Variants in ESCO2 observed in about 807,000 individuals in gnomAD.
ESCO2 encodes N-acetyltransferase ESCO2.
In ESCO2, 51 loss-of-function variants were observed where a neutral mutation model predicts 61.7. That is an observed-to-expected ratio of 0.83 (90% CI 0.66 to 1.04). The LOEUF (loss-of-function observed/expected upper bound fraction) is 1.04, where lower values mean the gene tolerates loss of function less well. Among genes scored for constraint, ESCO2 ranks in the 50% least tolerant of loss-of-function variants. ESCO2 has a pLI of 0.00. For missense variants in ESCO2, 692 were observed against 686.2 expected, an observed-to-expected ratio of 1.01 and a Z score of -0.09; for synonymous variants, 230 against 238.2, an observed-to-expected ratio of 0.97 and a Z score of 0.32.
chr8:27,772,672 C>T (rs1804677887), upstream of ESCO2: 2 of 819,384 alleles, frequency 2.4e-6, no homozygotes, highest in Non-Finnish European at 3.8e-6. Context: ...CGTCGGGGCG[C>T]GTCATAACGC....
chr8:27,785,843 G>A (rs1010668188), intron 5 of ESCO2, among the ~76,000 whole-genome samples: 1 of 152,124 alleles, frequency 6.6e-6, no homozygotes. Flanking sequence ...GTGCTTAGTC[G>A]CACATTTGTT....
chr8:27,778,796 T>G (rs988667730), intron 3 of ESCO2: 3 of 152,220 alleles, frequency 2.0e-5, no homozygotes, highest in Admixed American at 6.5e-5. Context: ...TAGTTTTCAG[T>G]AGTTTGGGAA....
chr8:27,797,804 C>T (rs979219923), intron 9 of ESCO2, among the ~76,000 whole-genome samples: 2 of 152,162 alleles, frequency 1.3e-5, no homozygotes, highest in East Asian at 3.9e-4. Context: ...ATATCACCTA[C>T]AAAAGCTCTG....
rs770166633 is a variant in ESCO2, at chr8:27,776,877, A to G, written c.569A>G (p.Asn190Ser). Residue 190 changes from asparagine (N) to serine (S), a missense_variant, in exon 3 of 11, where the codon AAT (asparagine) becomes AGT (serine). By Grantham distance (46) the Asn-to-Ser change is conservative. Coordinates refer to ENST00000305188, the MANE Select transcript of ESCO2 (RefSeq NM_001017420.3). ...TGTCATTCAGCTGAAAATAATTCCA[A>G]TGCTCCTCGGGTTCTGAGCCAAAAA... is the stretch of plus-strand genomic sequence containing the variant. ...NNCHSAENNSNAPRVLSQKIK... is the reference protein window; with the variant it reads ...NNCHSAENNSSAPRVLSQKIK... The G allele has an allele frequency of 2.6e-5, 42 of 1,614,048 alleles. No homozygotes were observed. In the African/African-American group the frequency reaches 2.7e-4, roughly 10 times the overall value.
chr8:27,785,699 CAA>C (rs567532485), intron 5 of ESCO2, among the ~76,000 whole-genome samples: 14 of 98,576 alleles, frequency 1.4e-4, no homozygotes, highest in Non-Finnish European at 1.7e-4. Context: ...GATTCCATCT[CAA>C]AAAAAAAAAA....
chr8:27,798,197 C>A (rs1805344957), intron 9 of ESCO2, among the ~76,000 whole-genome samples: 3 of 152,170 alleles, frequency 2.0e-5, no homozygotes, highest in South Asian at 4.1e-4. Flanking sequence ...CAGTGGCTCA[C>A]ACCTGTAATC....
chr8:27,800,451 CTG>C (rs1200405395), intron 10 of ESCO2, among the ~76,000 whole-genome samples: 1 of 152,150 alleles, frequency 6.6e-6, no homozygotes, highest in Non-Finnish European at 1.5e-5. Context: ...AGTAGGATGA[CTG>C]TAATCAAACA....
rs1394572977 is a variant in ESCO2 at position 27,775,507 on chromosome 8, TAAAG to T, written c.-4_-1del. 1 of 1,613,464 alleles carries T rather than the reference TAAAG, an allele frequency of 6.2e-7. No individual in the cohort carries two copies. The highest frequency in any genetic ancestry group is 1.3e-5 in the African/African-American group (1 of 74,918). On this transcript the variant is annotated 5_prime_UTR_variant, in exon 2 of 11. Transcript: ENST00000305188. ...ATTGTCATTTCTTTTAGGAATTCAATAAAGAAAATGGCAGCTCTTACTCCAAGGA... is the reference window on the plus strand; with the variant it reads ...ATTGTCATTTCTTTTAGGAATTCAATAAAATGGCAGCTCTTACTCCAAGGA...
At chr8:27,781,730 T>C (rs1804933206) in intron 4 of ESCO2, among the ~76,000 whole-genome samples, 1 of 151,802 alleles carries the variant, frequency 6.6e-6, no homozygotes, top group Non-Finnish European at 1.5e-5. Context: ...CCGGCTAATT[T>C]TTGTTAAGAT....
chr8:27,814,003 A>G (rs746974538), downstream of ESCO2, among the ~76,000 whole-genome samples: 1 of 152,212 alleles, frequency 6.6e-6, no homozygotes, highest in Non-Finnish European at 1.5e-5. Context: ...GTGTATAATA[A>G]TCACATCAGG....
downstream of ESCO2, chr8:27,809,670 ATTG>A (rs1384279110): frequency 3.3e-5 from 5 of 152,178 alleles, no homozygotes; most frequent in Non-Finnish European, 5.9e-5. Flanking sequence ...TTTGAGTTTT[ATTG>A]TTTTTACACA....
chr8:27,776,093 C>T (rs958121449), intron 2 of ESCO2, among the ~76,000 whole-genome samples: 2 of 152,066 alleles, frequency 1.3e-5, no homozygotes, highest in African/African-American at 4.8e-5. Flanking sequence ...ACATAGAAAT[C>T]GATTTTAAAA....
At chr8:27,793,071 AAAC>A (rs1805213730) in intron 9 of ESCO2, among the ~76,000 whole-genome samples, 1 of 152,196 alleles carries the variant, frequency 6.6e-6, no homozygotes, top group South Asian at 2.1e-4. Flanking sequence ...GATTTTAAGT[AAAC>A]AAATCTATAA....
At chr8:27,775,409 T>C in intron 1 of ESCO2, 90 bp from the exon 2 acceptor site, 1 of 1,124,076 alleles carries the variant, frequency 8.9e-7, no homozygotes, top group Non-Finnish European at 1.4e-6. Context: ...GGTTTTAACT[T>C]GGTGTGAAAT....
intron 7 of ESCO2, among the ~76,000 whole-genome samples, chr8:27,791,544 G>A (rs183490337): frequency 9.2e-4 from 140 of 152,302 alleles, no homozygotes; most frequent in Admixed American, 2.2e-3. Flanking sequence ...CTGTGGTCTT[G>A]TCAAGCATAA....
In ESCO2 at chr8:27,803,573, C is replaced by CACACACACAT. The variant is rs1477706403; in HGVS notation, c.*140_*141insCACATACACA. 2.1e-6 allele frequency: 3 copies of CACACACACAT among 1,452,194 alleles called. No individual in the cohort carries two copies. Among genetic ancestry groups the CACACACACAT allele is most frequent in the South Asian group, 1.5e-5 (1 of 67,712 alleles). The allele number at this position is 1,452,194 out of a possible 1,614,324, so 90.0% of individuals were successfully genotyped here. On this transcript the variant is annotated 3_prime_UTR_variant, in exon 11 of 11. Coordinates refer to ENST00000305188, the MANE Select transcript of ESCO2 (RefSeq NM_001017420.3). ...ATACACACACACACACACACGCACA[C>CACACACACAT]ACACATATCACAGTTTTGTTCCTTA...
At chr8:27,793,136 T>A (rs895216768) in intron 9 of ESCO2, among the ~76,000 whole-genome samples, 2 of 152,200 alleles carry the variant, frequency 1.3e-5, no homozygotes, top group African/African-American at 4.8e-5. Context: ...TTTGGCAAAA[T>A]AGTCATTACT....
Position 27,775,528 on chromosome 8 carries a change from C to G in ESCO2, c.14C>G (p.Thr5Ser). 2 of 1,614,082 alleles carry G rather than the reference C, an allele frequency of 1.2e-6. No homozygotes were observed. The highest frequency in any genetic ancestry group is 1.7e-6 in the Non-Finnish European group (2 of 1,179,954). The change falls in exon 2 of 11, where the codon ACT becomes AGT. Residue 5 changes from threonine to serine, a missense_variant. Transcript: ENST00000305188. ...TCAATAAAGAAAATGGCAGCTCTTA[C>G]TCCAAGGAAGAGGAAGCAGGATTCT... MAAL[T>S]PRKRKQDSLK...
In ESCO2 at chr8:27,776,745, C is replaced by T; in HGVS notation, c.437C>T (p.Ala146Val). 6.2e-7 allele frequency: 1 copy of T among 1,613,876 alleles called. No individual in the cohort carries two copies. The change falls in exon 3 of 11, where the codon GCT becomes GTT. Residue 146 changes from alanine (A) to valine (V), a missense_variant. Physicochemically the swap from Ala to Val is moderately conservative, Grantham distance 64 (BLOSUM62 0). Coordinates refer to ENST00000305188, the MANE Select transcript of ESCO2 (RefSeq NM_001017420.3). ...AAAAAACCACAGAAGAGTTTAACTG[C>T]TAAGTATCAACCAAAGTATAGACAC... ...NNKKPQKSLTAKYQPKYRHIK... is the reference protein window; with the variant it reads ...NNKKPQKSLTVKYQPKYRHIK...
Sources: allele counts gnomAD v4.1 joint callset (sites outside exome capture counted in the v4.1 genomes callset), GRCh38; gene constraint gnomAD v4.1.1; transcripts MANE v1.5; gene names NCBI Gene and HGNC (gene_info 2026-07-23, HGNC 2026-07-21).